The following PRPSAP1 variants were observed in gnomAD, a reference collection of about 807,000 sequenced individuals.
PRPSAP1 encodes the protein phosphoribosyl pyrophosphate synthase-associated protein 1.
A neutral mutation model predicts 39.4 loss-of-function variants in PRPSAP1; 31 were observed. That is an observed-to-expected ratio of 0.79 (90% CI 0.59 to 1.06). PRPSAP1 has a LOEUF of 1.06. Among genes scored for constraint, PRPSAP1 ranks in the 50% least tolerant of loss-of-function variants. The pLI is 0.00. For missense variants in PRPSAP1, 430 were observed against 511.6 expected (o/e 0.84, Z 1.54); for synonymous variants, 212 against 192.6 (o/e 1.10, Z -0.83).
At chr17:76,312,785 A>C in intron 9 of PRPSAP1, 85 bp downstream of exon 9, 1 of 1,502,264 alleles carries the variant, frequency 6.7e-7, no homozygotes, top group African/African-American at 1.4e-5. Context: ...AGACAGATTA[A>C]GCAATTTAGT....
chr17:76,344,781 G>A, intron 2 of PRPSAP1, 44 bp from the exon 3 acceptor site: 1 of 1,434,734 alleles, frequency 7.0e-7, no homozygotes, highest in Non-Finnish European at 9.6e-7. Flanking sequence ...AAGCTCCTAT[G>A]TTAAAAAGGA....
At chr17:76,319,480 T>TA (rs2071162677) in intron 7 of PRPSAP1, 1 of 152,200 alleles carries the variant, frequency 6.6e-6, no homozygotes, top group African/African-American at 2.4e-5. Flanking sequence ...TATTTTATTT[T>TA]TTTTTCTAGA....
chr17:76,329,310 C>T (rs556628198), intron 6 of PRPSAP1, among the ~76,000 whole-genome samples: 12 of 152,228 alleles, frequency 7.9e-5, no homozygotes, highest in Non-Finnish European at 1.6e-4. Flanking sequence ...AGCGATCTCC[C>T]GCTTTGGCCT....
intron 7 of PRPSAP1, among the ~76,000 whole-genome samples, chr17:76,320,423 CTTTT>C (rs71161282): frequency 1.4e-5 from 1 of 73,408 alleles, no homozygotes; most frequent in African/African-American, 6.2e-5. Context: ...GCAGATAATG[CTTTT>C]TTTTTTTTTT....
At chr17:76,315,068 T>C (rs1459877465) in intron 7 of PRPSAP1, among the ~76,000 whole-genome samples, 1 of 152,234 alleles carries the variant, frequency 6.6e-6, no homozygotes, top group East Asian at 1.9e-4. Flanking sequence ...AATCAGGAAC[T>C]TGAAGACAAT....
intron 3 of PRPSAP1, among the ~76,000 whole-genome samples, chr17:76,341,725 G>A (rs919817201): frequency 1.3e-5 from 2 of 152,142 alleles, no homozygotes; most frequent in Non-Finnish European, 2.9e-5. Flanking sequence ...GGATCACGAG[G>A]TTAGGAGATC....
At chr17:76,325,753 C>T (rs1390218587) in intron 7 of PRPSAP1, among the ~76,000 whole-genome samples, 2 of 151,672 alleles carry the variant, frequency 1.3e-5, no homozygotes, top group East Asian at 2.0e-4. Flanking sequence ...TACAGGCGCC[C>T]GCCACTACGC....
chr17:76,351,420 C>A (rs2071569832), intron 1 of PRPSAP1, among the ~76,000 whole-genome samples: 1 of 152,170 alleles, frequency 6.6e-6, no homozygotes, highest in Admixed American at 6.6e-5. Flanking sequence ...AAGGCTGAGG[C>A]AGGAGAATGG....
chr17:76,328,186 C>CAA (rs56020637), intron 7 of PRPSAP1, among the ~76,000 whole-genome samples: 318 of 108,798 alleles, frequency 2.9e-3, no homozygotes, highest in African/African-American at 8.6e-3. Context: ...GATCCTTTCT[C>CAA]AAAAAAAAAA....
chr17:76,345,325 G>C (rs971104123), intron 2 of PRPSAP1, among the ~76,000 whole-genome samples: 1 of 148,804 alleles, frequency 6.7e-6, no homozygotes, highest in African/African-American at 2.5e-5. Context: ...AAATTAGCCA[G>C]GCATGGTGGC....
chr17:76,350,108 T>G (rs2043752112), intron 1 of PRPSAP1, among the ~76,000 whole-genome samples: 2 of 148,506 alleles, frequency 1.3e-5, no homozygotes, highest in Admixed American at 1.4e-4. Context: ...CAGCCAGGTA[T>G]ACACATACAA....
At chr17:76,329,457 G>A (rs962401683) in intron 6 of PRPSAP1, among the ~76,000 whole-genome samples, 5 of 152,108 alleles carry the variant, frequency 3.3e-5, no homozygotes, top group Non-Finnish European at 5.9e-5. Context: ...TGCCTGGGCC[G>A]GGCACAGTGG....
chr17:76,328,468 G>A (rs2143493934), intron 7 of PRPSAP1, among the ~76,000 whole-genome samples: 1 of 152,100 alleles, frequency 6.6e-6, no homozygotes, highest in East Asian at 1.9e-4. Flanking sequence ...AATTAGCTGG[G>A]CGTGGTGGCA....
At chr17:76,322,435 C>G (rs1394085882) in intron 7 of PRPSAP1, among the ~76,000 whole-genome samples, 5 of 152,120 alleles carry the variant, frequency 3.3e-5, no homozygotes, top group African/African-American at 1.2e-4. Flanking sequence ...TTCGACAGCT[C>G]TGATGGAGAT....
At chr17:76,324,024 T>C (rs2071225895) in intron 7 of PRPSAP1, among the ~76,000 whole-genome samples, 1 of 104,072 alleles carries the variant, frequency 9.6e-6, no homozygotes, top group African/African-American at 3.9e-5. Flanking sequence ...CACACATCTG[T>C]AATCCCAGCT....
intron 1 of PRPSAP1, 82 bp downstream of exon 1, chr17:76,353,452 G>C: frequency 7.6e-7 from 1 of 1,323,976 alleles, no homozygotes; most frequent in South Asian, 1.6e-5. Flanking sequence ...GGTGGGGCGG[G>C]TGGAGGGGAG....
chr17:76,336,178 G>A (rs2071375949), intron 3 of PRPSAP1, among the ~76,000 whole-genome samples: 1 of 152,144 alleles, frequency 6.6e-6, no homozygotes, highest in Admixed American at 6.6e-5. Context: ...CGGACGCGGT[G>A]GCTCACGCCA....
At position 76,335,103 on chromosome 17, in the gene PRPSAP1, A is replaced by AT. The variant is rs541990873; in HGVS notation, c.291-2669dup. ...TCCCAGAGACTCTTTTGTTTAAAAG[A>AT]TTTTTTTTCTTTTCTTTTCTGTTTT... On this transcript the variant is annotated intron_variant, in intron 3 of 9. Transcript: ENST00000446526. Among the ~76,000 whole-genome samples, 6 of 151,906 alleles carry AT rather than the reference A, an allele frequency of 3.9e-5. No individual in the cohort carries two copies. In the South Asian group the frequency reaches 6.3e-4, roughly 16 times the overall value.
intron 2 of PRPSAP1, among the ~76,000 whole-genome samples, chr17:76,345,608 A>AG (rs1258138369): frequency 1.6e-5 from 2 of 125,678 alleles, no homozygotes; most frequent in African/African-American, 3.6e-5. Context: ...CCTTGTCTGG[A>AG]GAAAAAAAAA....
Sources: gnomAD v4.1 joint callset for allele counts (sites outside exome capture counted in the v4.1 genomes callset) on GRCh38, gnomAD v4.1.1 for gene constraint, MANE v1.5 for transcripts, NCBI Gene and HGNC (gene_info 2026-07-23, HGNC 2026-07-21) for gene names.